Variants in MALRD1 observed in about 807,000 individuals in gnomAD.
The protein encoded by MALRD1 is MAM and LDL-receptor class A domain-containing protein 1.
Under a neutral mutation model 242.1 loss-of-function variants are expected in MALRD1, and 247 were observed. The ratio of observed to expected loss-of-function variants is 1.02; its 90% CI spans 0.92 to 1.13. MALRD1 has a LOEUF of 1.13. Among genes scored for constraint, MALRD1 ranks in the 50% most tolerant of loss-of-function variants. MALRD1 has a pLI of 0.00. For synonymous variants in MALRD1, 995 were observed against 866.6 expected, an observed-to-expected ratio of 1.15 and a Z score of -2.60; for missense variants, 2,989 against 2,533.1, an observed-to-expected ratio of 1.18 and a Z score of -3.86.
At chr10:19,661,693 G>C (rs557785801) in intron 36 of MALRD1, among the ~76,000 whole-genome samples, 61 of 152,106 alleles carry the variant, frequency 4.0e-4, no homozygotes, top group Admixed American at 7.2e-4. Flanking sequence ...TAAATGACGA[G>C]TTAATGGGTG....
intron 21 of MALRD1, among the ~76,000 whole-genome samples, chr10:19,285,244 C>T (rs1350858560): frequency 2.1e-5 from 3 of 142,836 alleles, no homozygotes; most frequent in Non-Finnish European, 3.0e-5. Flanking sequence ...TGTGCAGAAG[C>T]TCTTTAGTTT....
intron 11 of MALRD1, among the ~76,000 whole-genome samples, chr10:19,151,915 G>A (rs773377779): frequency 1.3e-5 from 2 of 152,018 alleles, no homozygotes; most frequent in Non-Finnish European, 2.9e-5. Flanking sequence ...GGTAATGCTT[G>A]TTTATAACTT....
At chr10:19,465,561 C>A (rs11010076) in intron 29 of MALRD1, among the ~76,000 whole-genome samples, 51,812 of 151,798 alleles carry the variant, frequency 0.34, 8,899 homozygotes, top group East Asian at 0.45. Context: ...GTCATAGTCT[C>A]ACTCTGTCAC....
chr10:19,461,907 C>T (rs1196408517), intron 29 of MALRD1, among the ~76,000 whole-genome samples: 2 of 152,134 alleles, frequency 1.3e-5, no homozygotes, highest in African/African-American at 4.8e-5. Flanking sequence ...ATAAAGAAAA[C>T]ATGACTCCGG....
chr10:19,606,260 T>C (rs1308917990), intron 34 of MALRD1, among the ~76,000 whole-genome samples: 1 of 152,150 alleles, frequency 6.6e-6, no homozygotes, highest in Admixed American at 6.6e-5. Flanking sequence ...ATAATTTACT[T>C]TGAAAAGGTT....
At chr10:19,530,389 T>TTA (rs1834321058) in intron 31 of MALRD1, among the ~76,000 whole-genome samples, 1 of 75,652 alleles carries the variant, frequency 1.3e-5, no homozygotes, top group African/African-American at 6.5e-5. Context: ...ATATTATATA[T>TTA]TTATATAAAT....
chr10:19,113,824 CACACACAG>C (rs1341997628), intron 5 of MALRD1, among the ~76,000 whole-genome samples: 92 of 147,860 alleles, frequency 6.2e-4, no homozygotes, highest in African/African-American at 1.8e-3. Context: ...CACACACACA[CACACACAG>C]ACACACACAC....
chr10:19,050,417 A>G (rs116182171), intron 1 of MALRD1, among the ~76,000 whole-genome samples: 2,374 of 152,132 alleles, frequency 0.016, 78 homozygotes, highest in African/African-American at 0.055. Flanking sequence ...TAAAATATCA[A>G]TTCATGTTTA....
chr10:19,368,654 G>A (rs1052256540), intron 26 of MALRD1, among the ~76,000 whole-genome samples: 14 of 151,988 alleles, frequency 9.2e-5, no homozygotes, highest in Non-Finnish European at 1.3e-4. Flanking sequence ...TGTGAAGAAC[G>A]TCATTGATAT....
chr10:19,585,354 T>C (rs1270547773), intron 33 of MALRD1, among the ~76,000 whole-genome samples: 5 of 152,208 alleles, frequency 3.3e-5, no homozygotes, highest in African/African-American at 7.2e-5. Context: ...GATTTTGCAG[T>C]GGCTGGTACC....
intron 11 of MALRD1, 37 bp downstream of exon 11, chr10:19,146,381 T>A: frequency 8.2e-7 from 1 of 1,215,910 alleles, no homozygotes; most frequent in Non-Finnish European, 1.0e-6. Flanking sequence ...AATAGTTTTC[T>A]TTCTTGCATG....
upstream of MALRD1, among the ~76,000 whole-genome samples, chr10:19,047,980 C>T (rs551257016): frequency 6.6e-6 from 1 of 152,120 alleles, no homozygotes; most frequent in Non-Finnish European, 1.5e-5. Flanking sequence ...ATGTATAGAA[C>T]ATTCAACATC....
chr10:19,382,288 G>GT (rs1055005163), intron 26 of MALRD1, among the ~76,000 whole-genome samples: 23 of 152,126 alleles, frequency 1.5e-4, no homozygotes, highest in African/African-American at 4.8e-4. Context: ...TGATCTACTT[G>GT]TAGTGTAGTG....
At chr10:19,473,193 T>C (rs1836578298) in intron 29 of MALRD1, among the ~76,000 whole-genome samples, 1 of 141,232 alleles carries the variant, frequency 7.1e-6, no homozygotes, top group Non-Finnish European at 1.5e-5. Flanking sequence ...GTGAAATTTT[T>C]CAACTTAAAT....
intron 36 of MALRD1, among the ~76,000 whole-genome samples, chr10:19,665,727 A>G (rs1333278986): frequency 1.3e-5 from 2 of 152,088 alleles, no homozygotes; most frequent in Non-Finnish European, 2.9e-5. Flanking sequence ...GCCGTCAATT[A>G]CCACTCAGGA....
At chr10:19,458,757 A>G (rs927731670) in intron 29 of MALRD1, among the ~76,000 whole-genome samples, 1 of 152,136 alleles carries the variant, frequency 6.6e-6, no homozygotes, top group Non-Finnish European at 1.5e-5. Flanking sequence ...ATTCAAAAGT[A>G]AGTCTCATCA....
At chr10:19,599,315 A>G (rs1564473265) in intron 34 of MALRD1, among the ~76,000 whole-genome samples, 1 of 152,138 alleles carries the variant, frequency 6.6e-6, no homozygotes, top group Admixed American at 6.6e-5. Context: ...GGAAGTGTTT[A>G]GATAAACCTG....
At chr10:19,137,607 GAAAAAAAAAA>G (rs34768480) in intron 10 of MALRD1, among the ~76,000 whole-genome samples, 5 of 84,450 alleles carry the variant, frequency 5.9e-5, no homozygotes, top group Admixed American at 1.5e-4. Context: ...GACTCCGTCT[GAAAAAAAAAA>G]AAAAAAAAAA....
At chr10:19,169,825 G>A (rs1018957470) in intron 13 of MALRD1, among the ~76,000 whole-genome samples, 3 of 152,182 alleles carry the variant, frequency 2.0e-5, no homozygotes, top group Non-Finnish European at 4.4e-5. Flanking sequence ...TTAGTAGCCT[G>A]AGTCATTTAA....
Sources: gnomAD v4.1 joint callset for allele counts (sites outside exome capture counted in the v4.1 genomes callset) on GRCh38, gnomAD v4.1.1 for gene constraint, MANE v1.5 for transcripts, NCBI Gene and HGNC (gene_info 2026-07-23, HGNC 2026-07-21) for gene names.